RCAN2: variants seen among roughly 807,000 people sequenced by gnomAD.
The protein encoded by RCAN2 is regulator of calcineurin 2.
RCAN2 carries 9 observed loss-of-function variants against 23.6 expected under a neutral mutation model. The ratio of observed to expected loss-of-function variants is 0.38; its 90% confidence interval spans 0.23 to 0.67. The LOEUF is 0.67. RCAN2 is among the 30% of genes least tolerant of loss of function. RCAN2 has a pLI of 0.51. For missense variants in RCAN2, 273 were observed against 302.3 expected (o/e 0.90, Z 0.72); for synonymous variants, 109 against 115.7 (o/e 0.94, Z 0.37).
intron 3 of RCAN2, among the ~76,000 whole-genome samples, chr6:46,247,178 A>C (rs1766544098): frequency 6.6e-6 from 1 of 152,074 alleles, no homozygotes; most frequent in Admixed American, 6.5e-5. Context: ...CCTATCCCCT[A>C]CATTTCTGAT....
At chr6:46,264,677 C>T (rs1023945636) in intron 2 of RCAN2, among the ~76,000 whole-genome samples, 2 of 151,796 alleles carry the variant, frequency 1.3e-5, no homozygotes, top group African/African-American at 4.8e-5. Flanking sequence ...CAAATTGAAA[C>T]ATGACAGTCT....
chr6:46,358,200 G>C (rs1286669537), intron 2 of RCAN2, among the ~76,000 whole-genome samples: 1 of 152,184 alleles, frequency 6.6e-6, no homozygotes, highest in Admixed American at 6.5e-5. Context: ...ATTAGACCCT[G>C]CTGCAGAAAT....
chr6:46,472,195 C>T (rs1302403638), intron 1 of RCAN2, among the ~76,000 whole-genome samples: 2 of 152,204 alleles, frequency 1.3e-5, no homozygotes, highest in African/African-American at 4.8e-5. Flanking sequence ...ATGCATATAA[C>T]AGGCTTTTGG....
intron 2 of RCAN2, among the ~76,000 whole-genome samples, chr6:46,413,629 T>A (rs972647595): frequency 6.6e-6 from 1 of 152,208 alleles, no homozygotes; most frequent in African/African-American, 2.4e-5. Context: ...TTACTATGGG[T>A]TGATGGATCC....
intron 2 of RCAN2, among the ~76,000 whole-genome samples, chr6:46,443,689 T>C (rs1767618359): frequency 6.6e-6 from 1 of 152,212 alleles, no homozygotes; most frequent in African/African-American, 2.4e-5. Context: ...GGTTTCTTTA[T>C]GAACGTCAAA....
intron 2 of RCAN2, among the ~76,000 whole-genome samples, chr6:46,432,486 T>G (rs1767241460): frequency 6.6e-6 from 1 of 152,148 alleles, no homozygotes; most frequent in South Asian, 2.1e-4. Context: ...GCACTGTGAT[T>G]ACAGGTGTGA....
chr6:46,430,982 G>A (rs1028241594), intron 2 of RCAN2, among the ~76,000 whole-genome samples: 1 of 152,154 alleles, frequency 6.6e-6, no homozygotes, highest in African/African-American at 2.4e-5. Flanking sequence ...AGAAGAATAT[G>A]GTTGATGTAA....
intron 2 of RCAN2, among the ~76,000 whole-genome samples, chr6:46,429,622 A>AT (rs548332999): frequency 9.2e-5 from 14 of 151,982 alleles, no homozygotes; most frequent in African/African-American, 1.5e-4. Flanking sequence ...TATTGTATTC[A>AT]TTTTTTTTCA....
Position 46,242,032 on chromosome 6 carries a change from G to A in RCAN2, c.571+4716C>T, listed in dbSNP as rs139258985. 7.3e-4 allele frequency among the ~76,000 whole-genome samples: 111 copies of A among 152,108 alleles called. 1 individual carries two copies. The East Asian group carries it at 0.02, about 27-fold the overall frequency. ...TAAAATTATGCCTCTCATAATTTTC[G>A]GAATATAAACTTGCTCTTGGTATAA... On this transcript the variant is annotated intron_variant, in intron 4 of 4. Coordinates refer to ENST00000371374, the MANE Select transcript of RCAN2 (RefSeq NM_001251974.2).
At chr6:46,424,614 T>C (rs1032312453) in intron 2 of RCAN2, among the ~76,000 whole-genome samples, 6 of 152,060 alleles carry the variant, frequency 3.9e-5, no homozygotes, top group African/African-American at 1.4e-4. Context: ...AGATCTGTGA[T>C]ATCTGCCACA....
chr6:46,257,043 G>A (rs770622467), intron 2 of RCAN2, among the ~76,000 whole-genome samples: 10 of 152,134 alleles, frequency 6.6e-5, no homozygotes, highest in East Asian at 1.9e-4. Flanking sequence ...ATTGTTATGC[G>A]GAGAGCACTG....
intron 2 of RCAN2, among the ~76,000 whole-genome samples, chr6:46,329,194 C>G (rs77685699): frequency 6.6e-6 from 1 of 152,210 alleles, no homozygotes; most frequent in Non-Finnish European, 1.5e-5. Context: ...ATATTCAGAT[C>G]TCTTCATGGC....
intron 2 of RCAN2, among the ~76,000 whole-genome samples, chr6:46,385,623 G>A (rs1582159363): frequency 6.6e-6 from 1 of 152,080 alleles, no homozygotes; most frequent in Non-Finnish European, 1.5e-5. Context: ...TTGGGAGGCC[G>A]AGGTGGGCAG....
At chr6:46,316,806 A>G (rs1429923698) in intron 2 of RCAN2, among the ~76,000 whole-genome samples, 1 of 152,192 alleles carries the variant, frequency 6.6e-6, no homozygotes, top group African/African-American at 2.4e-5. Flanking sequence ...CTTAGTCAAT[A>G]CCCAAAGGCA....
rs139007803 is a variant in RCAN2, at chr6:46,270,475, G to A, written c.226-21579C>T. Among the ~76,000 whole-genome samples, 438 of 152,312 alleles carry A rather than the reference G, an allele frequency of 2.9e-3. 3 individuals are homozygous for A. The highest frequency in any genetic ancestry group is 1.0e-2 in the African/African-American group (415 of 41,562). On this transcript the variant is annotated intron_variant, in intron 2 of 4. Transcript: ENST00000371374. ...GTGGAGAAGGTGGGCCCCAGAGTCA[G>A]ACTGAGCTTCTCGTCAACCAGTGAT... is the stretch of plus-strand genomic sequence containing the variant.
chr6:46,222,058 C>G lies in RCAN2; in HGVS notation c.*1083G>C, dbSNP rs113615217. 1.6e-3 allele frequency: 652 copies of G among 398,336 alleles called. 1 individual carries two copies. The highest frequency in any genetic ancestry group is 0.012 in the African/African-American group (588 of 48,716). 24.7% of individuals were successfully genotyped at this position (398,336 alleles called of 1,614,324 possible). On this transcript the variant is annotated 3_prime_UTR_variant, in exon 5 of 5. Transcript: ENST00000371374. ...AATAATCTACAACTGACACTTGCAT[C>G]TTTATTTAAAAACAAGTGGTCTTGA...
intron 1 of RCAN2, among the ~76,000 whole-genome samples, chr6:46,476,055 T>TG (rs1474508680): frequency 1.3e-5 from 2 of 152,190 alleles, no homozygotes; most frequent in African/African-American, 4.8e-5. Flanking sequence ...TGGGTGATGC[T>TG]GGGAATAGTA....
intron 2 of RCAN2, among the ~76,000 whole-genome samples, chr6:46,270,584 CA>C (rs1767490176): frequency 6.6e-6 from 1 of 152,202 alleles, no homozygotes; most frequent in Non-Finnish European, 1.5e-5. Context: ...TGCCCTTATG[CA>C]AGCCCCTCCC....
At chr6:46,286,124 CAT>C (rs1263324553) in intron 2 of RCAN2, among the ~76,000 whole-genome samples, 4 of 152,186 alleles carry the variant, frequency 2.6e-5, no homozygotes, top group African/African-American at 9.7e-5. Flanking sequence ...TTTCTCCATG[CAT>C]AGTGAACTGT....
Sources: allele counts gnomAD v4.1 joint callset (sites outside exome capture counted in the v4.1 genomes callset), GRCh38; gene constraint gnomAD v4.1.1; transcripts MANE v1.5; gene names NCBI Gene and HGNC (gene_info 2026-07-23, HGNC 2026-07-21).